The following FRMPD4 variants were observed in gnomAD, a reference collection of about 807,000 sequenced individuals.
FRMPD4 encodes FERM and PDZ domain containing 4.
A neutral mutation model predicts 94.1 loss-of-function variants in FRMPD4; 22 were observed. The observed-to-expected ratio is 0.23, with a 90% CI of 0.17 to 0.33. The LOEUF (loss-of-function observed/expected upper bound fraction) is 0.33. Among genes scored for constraint, FRMPD4 ranks in the 10% least tolerant of loss-of-function variants. The probability of loss-of-function intolerance (pLI) is 1.00; values close to 1 mark genes in which losing one functional copy is unlikely to be tolerated. For missense variants in FRMPD4, 1,111 were observed against 1,339.9 expected, an observed-to-expected ratio of 0.83 and a Z score of 2.67; for synonymous variants, 631 against 548.6, an observed-to-expected ratio of 1.15 and a Z score of -2.10.
intron 1 of FRMPD4, among the ~76,000 whole-genome samples, chrX:12,256,488 T>G (rs1031435584): frequency 1.8e-5 from 2 of 112,156 alleles, no homozygotes; most frequent in East Asian, 5.6e-4. Flanking sequence ...TGGTCAAGTG[T>G]GAGTGAGTGA....
intron 1 of FRMPD4, among the ~76,000 whole-genome samples, chrX:12,165,596 G>T (rs1352952813): frequency 8.9e-6 from 1 of 111,916 alleles, no homozygotes; most frequent in Non-Finnish European, 1.9e-5. Context: ...GAAAGTCATT[G>T]GTAGCTTGAT....
Position 11,941,294 on chromosome X carries a change from G to C in FRMPD4, c.95+63276G>C, listed in dbSNP as rs181795067. ...CTGTAGACCGGAGCTGTTCCTATTC[G>C]GCCATCTTGGCTCCTCCCTCCCTGG... On this transcript the variant is annotated intron_variant, in intron 3 of 18. Transcript: ENST00000640291. Among the ~76,000 whole-genome samples the C allele has an allele frequency of 3.7e-5, 2 of 54,237 alleles. 1 individual carries two copies. Among genetic ancestry groups the C allele is most frequent in the Non-Finnish European group, 9.1e-5 (2 of 22,090 alleles). 47.1% of individuals were successfully genotyped at this position (54,237 alleles called of 115,157 possible). A position where few individuals can be genotyped will look rare whatever the true frequency, so the allele number is the denominator to read the frequency against.
chrX:11,853,411 G>GA (rs1372749192), intron 1 of FRMPD4, among the ~76,000 whole-genome samples: 2 of 109,548 alleles, frequency 1.8e-5, no homozygotes, highest in Non-Finnish European at 3.8e-5. Flanking sequence ...CTGAACTAAA[G>GA]AAAAAACCCT....
intron 2 of FRMPD4, among the ~76,000 whole-genome samples, chrX:12,504,918 G>A (rs191105716): frequency 2.3e-3 from 254 of 112,483 alleles, no homozygotes; most frequent in African/African-American, 7.7e-3. Context: ...CAGAGTATCT[G>A]GAGGGATTGT....
intron 3 of FRMPD4, among the ~76,000 whole-genome samples, chrX:12,613,802 C>G (rs2059207252): frequency 8.9e-6 from 1 of 111,804 alleles, no homozygotes; most frequent in South Asian, 3.8e-4. Flanking sequence ...ACGGTGAAAC[C>G]CCGTCTCTAC....
At chrX:12,577,131 T>G (rs1008097296) in intron 2 of FRMPD4, among the ~76,000 whole-genome samples, 1 of 111,926 alleles carries the variant, frequency 8.9e-6, no homozygotes, top group Non-Finnish European at 1.9e-5. Context: ...TGGGGAGAGA[T>G]GACACTTTAG....
intron 1 of FRMPD4, among the ~76,000 whole-genome samples, chrX:12,372,248 C>G (rs978148952): frequency 1.8e-5 from 2 of 112,831 alleles, no homozygotes; most frequent in African/African-American, 6.4e-5. Flanking sequence ...GTTTGACATT[C>G]GCTAACTTTC....
intron 4 of FRMPD4, among the ~76,000 whole-genome samples, chrX:12,621,180 C>T (rs891861658): frequency 9.0e-6 from 1 of 110,929 alleles, no homozygotes; most frequent in African/African-American, 3.3e-5. Flanking sequence ...CAATGAGCCA[C>T]GATCACACCA....
At chrX:12,646,715 G>A (rs1378260260) in intron 4 of FRMPD4, among the ~76,000 whole-genome samples, 2 of 111,990 alleles carry the variant, frequency 1.8e-5, no homozygotes, top group African/African-American at 3.2e-5. Context: ...CATTGTCTTC[G>A]AATTGAAGCT....
At chrX:12,659,597 C>T (rs2059694059) in intron 4 of FRMPD4, among the ~76,000 whole-genome samples, 1 of 112,451 alleles carries the variant, frequency 8.9e-6, no homozygotes, top group Non-Finnish European at 1.9e-5. Flanking sequence ...GCCAAATATC[C>T]CCTATGGGGT....
intron 1 of FRMPD4, among the ~76,000 whole-genome samples, chrX:12,481,865 C>G (rs748743049): frequency 1.0e-5 from 1 of 96,269 alleles, no homozygotes; most frequent in African/African-American, 3.9e-5. Flanking sequence ...TTGGCGTGAA[C>G]CCGGGAGGCG....
At chrX:12,070,687 A>G (rs1009088772) in intron 3 of FRMPD4, among the ~76,000 whole-genome samples, 1 of 111,958 alleles carries the variant, frequency 8.9e-6, no homozygotes, top group African/African-American at 3.2e-5. Flanking sequence ...AGCCCTCGTC[A>G]CTACTGGGGA....
At chrX:12,179,707 T>C (rs552114892) in intron 1 of FRMPD4, among the ~76,000 whole-genome samples, 1 of 111,514 alleles carries the variant, frequency 9.0e-6, no homozygotes, top group South Asian at 3.8e-4. Flanking sequence ...TCAAAGAAAC[T>C]AGGTTAACAA....
intron 1 of FRMPD4, among the ~76,000 whole-genome samples, chrX:11,826,730 A>G (rs1012972289): frequency 1.3e-4 from 15 of 111,750 alleles, no homozygotes; most frequent in Admixed American, 1.0e-3. Flanking sequence ...GATAAATTCT[A>G]TCTAGAGCTT....
chrX:12,475,014 G>C (rs2057574727), intron 1 of FRMPD4, among the ~76,000 whole-genome samples: 1 of 111,561 alleles, frequency 9.0e-6, no homozygotes, highest in Non-Finnish European at 1.9e-5. Flanking sequence ...AACAAAAAAA[G>C]AGAATTTTAG....
At chrX:12,654,604 T>C (rs996155237) in intron 4 of FRMPD4, among the ~76,000 whole-genome samples, 2 of 111,884 alleles carry the variant, frequency 1.8e-5, no homozygotes, top group Non-Finnish European at 3.8e-5. Flanking sequence ...AGTCATGAGA[T>C]GGAAGTCAAA....
chrX:12,139,152 C>A, intron 1 of FRMPD4, 140 bp downstream of exon 1: 1 of 443,893 alleles, frequency 2.3e-6, no homozygotes, highest in Non-Finnish European at 3.6e-6. Context: ...CGGGGGCTTC[C>A]ACGTTCAACT....
intron 14 of FRMPD4, among the ~76,000 whole-genome samples, chrX:12,713,667 C>A (rs143471485): frequency 0.038 from 4,247 of 111,392 alleles, 217 homozygotes; most frequent in African/African-American, 0.13. Context: ...AAATACAGAG[C>A]GGAAGTCCCA....
intron 5 of FRMPD4, among the ~76,000 whole-genome samples, chrX:12,676,474 G>C (rs2059901350): frequency 8.9e-6 from 1 of 112,489 alleles, no homozygotes; most frequent in Admixed American, 9.4e-5. Context: ...CTTCACGTTT[G>C]CATTGTCATT....
Sources: allele counts gnomAD v4.1 joint callset (sites outside exome capture counted in the v4.1 genomes callset), GRCh38; gene constraint gnomAD v4.1.1; transcripts MANE v1.5; gene names NCBI Gene and HGNC (gene_info 2026-07-23, HGNC 2026-07-21).